The following PCMTD1 variants were observed in gnomAD, a reference collection of about 807,000 sequenced individuals.
The protein encoded by PCMTD1 is protein-L-isoaspartate O-methyltransferase domain-containing protein 1.
A neutral mutation model predicts 37.6 loss-of-function variants in PCMTD1; 12 were observed. That is an observed-to-expected ratio of 0.32 (90% CI 0.20 to 0.52). The LOEUF is 0.52. PCMTD1 is among the 20% of genes least tolerant of loss of function. PCMTD1 has a pLI of 0.97. For missense variants in PCMTD1, 235 were observed against 421.3 expected (o/e 0.56, Z 3.87); for synonymous variants, 117 against 135.8 (o/e 0.86, Z 0.96).
At chr8:51,877,612 T>C (rs1041606018) in intron 1 of PCMTD1, among the ~76,000 whole-genome samples, 3 of 152,180 alleles carry the variant, frequency 2.0e-5, no homozygotes, top group Non-Finnish European at 4.4e-5. Flanking sequence ...CCTAATTACA[T>C]GGGGAGGAAA....
Position 51,817,892 on chromosome 8 carries a change from C to T in PCMTD1, c.*2459G>A, listed in dbSNP as rs746632994. The T allele has an allele frequency of 6.2e-4, 283 of 456,692 alleles. No homozygotes were observed. Among genetic ancestry groups the T allele is most frequent in the African/African-American group, 4.9e-3 (247 of 50,154 alleles). The allele number at this position is 456,692 out of a possible 1,614,324, so 28.3% of individuals were successfully genotyped here. A position where few individuals can be genotyped will look rare whatever the true frequency, so the allele number is the denominator to read the frequency against. On this transcript the variant is annotated 3_prime_UTR_variant, in exon 6 of 6. Coordinates refer to ENST00000522514, the MANE Select transcript of PCMTD1 (RefSeq NM_052937.4). Reference sequence around the variant, plus strand: ...TCTCTAACTCACTGTATGTTTCAGGCAAAACATGCCACGGTTCTAGGTCTG... The same window carrying T: ...TCTCTAACTCACTGTATGTTTCAGGTAAAACATGCCACGGTTCTAGGTCTG...
At chr8:51,821,773 T>C (rs1043866115) in intron 5 of PCMTD1, among the ~76,000 whole-genome samples, 1 of 151,530 alleles carries the variant, frequency 6.6e-6, no homozygotes, top group Admixed American at 6.6e-5. Flanking sequence ...AGTTTCACTC[T>C]GTCACCAGGC....
chr8:51,889,350 G>T (rs1423292789), intron 1 of PCMTD1, among the ~76,000 whole-genome samples: 2 of 152,128 alleles, frequency 1.3e-5, no homozygotes, highest in Non-Finnish European at 2.9e-5. Context: ...GCTTTGAGGT[G>T]TTTTAAGTAT....
chr8:51,851,162 G>C (rs987714953), intron 2 of PCMTD1, among the ~76,000 whole-genome samples: 1 of 152,182 alleles, frequency 6.6e-6, no homozygotes, highest in Non-Finnish European at 1.5e-5. Context: ...ATGTTAGCTT[G>C]ACCACTCTGA....
rs150589473 is a variant in PCMTD1 at position 51,823,757 on chromosome 8, G to A, written c.707-3039C>T. Among the ~76,000 whole-genome samples, 1,139 of 152,190 alleles carry A rather than the reference G, an allele frequency of 7.5e-3. 3 individuals are homozygous for A. Among genetic ancestry groups the A allele is most frequent in the Non-Finnish European group, 0.01 (714 of 68,002 alleles). ...GACACAACAAAAAAAGAAAATTTCA[G>A]GCCAATATCCCTGATGAACATCGAT... On this transcript the variant is annotated intron_variant, in intron 5 of 5. Transcript: ENST00000522514.
intron 1 of PCMTD1, among the ~76,000 whole-genome samples, chr8:51,891,533 G>C (rs917316088): frequency 2.0e-5 from 3 of 151,836 alleles, no homozygotes; most frequent in African/African-American, 7.3e-5. Flanking sequence ...TCCAGGCTGG[G>C]TGACACAGCG....
At chr8:51,845,428 A>G (rs1158388917) in intron 3 of PCMTD1, 1 of 376,324 alleles carries the variant, frequency 2.7e-6, no homozygotes, top group Non-Finnish European at 4.9e-6. Flanking sequence ...TGAATTCAAC[A>G]TTACTAATAA....
intron 2 of PCMTD1, among the ~76,000 whole-genome samples, chr8:51,853,866 T>C (rs910429021): frequency 6.6e-6 from 1 of 152,032 alleles, no homozygotes; most frequent in African/African-American, 2.4e-5. Context: ...TTATCCCACC[T>C]TAGCTAGGAA....
rs559978008 is a variant in PCMTD1 at position 51,824,976 on chromosome 8, A to G, written c.707-4258T>C. Reference sequence around the variant, plus strand: ...CCCTATTTAATAAATGGTGTTGGGAAAACTGGCTAGCCATATGCAGAAAAC... The same window carrying G: ...CCCTATTTAATAAATGGTGTTGGGAGAACTGGCTAGCCATATGCAGAAAAC... On this transcript the variant is annotated intron_variant, in intron 5 of 5. Transcript: ENST00000522514. Among the ~76,000 whole-genome samples, 351 of 152,338 alleles carry G rather than the reference A, an allele frequency of 2.3e-3. 4 individuals are homozygous for G. The highest frequency in any genetic ancestry group is 7.9e-3 in the African/African-American group (328 of 41,588).
At chr8:51,858,678 CTTT>C (rs913495201) in intron 2 of PCMTD1, among the ~76,000 whole-genome samples, 3 of 152,148 alleles carry the variant, frequency 2.0e-5, no homozygotes, top group Non-Finnish European at 4.4e-5. Context: ...GCTTCTCCTT[CTTT>C]ATCTTTCTCA....
chr8:51,850,419 A>G (rs1464045177), intron 2 of PCMTD1, among the ~76,000 whole-genome samples: 1 of 152,156 alleles, frequency 6.6e-6, no homozygotes, highest in Non-Finnish European at 1.5e-5. Flanking sequence ...ATTAAATTTA[A>G]TTTGATTTAA....
chr8:51,857,879 C>G (rs2038414193), intron 2 of PCMTD1, among the ~76,000 whole-genome samples: 2 of 152,160 alleles, frequency 1.3e-5, no homozygotes, highest in African/African-American at 4.8e-5. Flanking sequence ...GTACTACCAG[C>G]TACTCAGGAA....
At chr8:51,853,898 A>T (rs2038344567) in intron 2 of PCMTD1, among the ~76,000 whole-genome samples, 1 of 151,986 alleles carries the variant, frequency 6.6e-6, no homozygotes, top group South Asian at 2.1e-4. Flanking sequence ...GGAAACTCAA[A>T]TTTTTTGTTC....
chr8:51,867,824 T>C (rs1014627014), intron 1 of PCMTD1, among the ~76,000 whole-genome samples: 9 of 151,742 alleles, frequency 5.9e-5, no homozygotes, highest in African/African-American at 2.2e-4. Flanking sequence ...GGAGGGTAGA[T>C]GGGGGAAAGG....
At chr8:51,899,051 C>G (rs1283140450), upstream of PCMTD1, 2 of 1,505,748 alleles carry the variant, frequency 1.3e-6, no homozygotes, top group East Asian at 2.6e-5. Context: ...AGGCGGGGCC[C>G]GGACCCGCGA....
At chr8:51,833,011 T>C (rs956351144) in intron 4 of PCMTD1, among the ~76,000 whole-genome samples, 1 of 152,074 alleles carries the variant, frequency 6.6e-6, no homozygotes, top group Non-Finnish European at 1.5e-5. Context: ...GCCTGGATAA[T>C]TTTTGTATCT....
chr8:51,826,965 T>C, intron 5 of PCMTD1: 4 of 919,060 alleles, frequency 4.4e-6, no homozygotes, highest in Non-Finnish European at 5.2e-6. Context: ...AGCAACTTGA[T>C]TACTACAAGA....
chr8:51,862,822 C>A (rs1442021967), intron 1 of PCMTD1, among the ~76,000 whole-genome samples: 1 of 152,132 alleles, frequency 6.6e-6, no homozygotes, highest in Non-Finnish European at 1.5e-5. Context: ...ACATTTAATT[C>A]ATTCAAACTC....
chr8:51,891,226 G>T (rs1465828099), intron 1 of PCMTD1, among the ~76,000 whole-genome samples: 1 of 152,132 alleles, frequency 6.6e-6, no homozygotes, highest in East Asian at 1.9e-4. Context: ...TAAACCATAT[G>T]AACCTAGGCA....
Sources: gnomAD v4.1 joint callset for allele counts (sites outside exome capture counted in the v4.1 genomes callset) on GRCh38, gnomAD v4.1.1 for gene constraint, MANE v1.5 for transcripts, NCBI Gene and HGNC (gene_info 2026-07-23, HGNC 2026-07-21) for gene names.